Variants in IQCH observed in about 807,000 individuals in gnomAD.
IQCH encodes IQ motif containing H, also known as IQ domain-containing protein H.
Under a neutral mutation model 117.0 loss-of-function variants are expected in IQCH, and 98 were observed. The observed-to-expected ratio is 0.84, with a 90% CI of 0.71 to 0.99. The LOEUF (loss-of-function observed/expected upper bound fraction) is 0.99. Among genes scored for constraint, IQCH ranks in the 50% least tolerant of loss-of-function variants. The pLI is 0.00. For synonymous variants in IQCH, 412 were observed against 448.2 expected, an observed-to-expected ratio of 0.92 and a Z score of 1.02; for missense variants, 1,102 against 1,243.8, an observed-to-expected ratio of 0.89 and a Z score of 1.72.
rs185161720 is a variant in IQCH, at chr15:67,396,107, A to C, written c.1905+544A>C. Among the ~76,000 whole-genome samples the C allele has an allele frequency of 3.9e-5, 6 of 152,356 alleles. No homozygotes were observed. The East Asian group carries it at 1.2e-3, about 29-fold the overall frequency. On this transcript the variant is annotated intron_variant, in intron 13 of 20. Coordinates refer to ENST00000335894, the MANE Select transcript of IQCH (RefSeq NM_001031715.3). ...TATATATCATTTGGACTAATCTGCT[A>C]TCAATATTTAATGCTTTAACATGGA...
intron 8 of IQCH, 105 bp from the exon 9 acceptor site, chr15:67,372,006 C>A: frequency 2.0e-6 from 2 of 976,038 alleles, no homozygotes; most frequent in Non-Finnish European, 3.0e-6. Flanking sequence ...TTCATATCTT[C>A]CCACCATTGA....
At chr15:67,400,983 T>C (rs779932504) in intron 14 of IQCH, among the ~76,000 whole-genome samples, 4 of 152,174 alleles carry the variant, frequency 2.6e-5, no homozygotes, top group African/African-American at 7.2e-5. Flanking sequence ...TATTTTATTA[T>C]GAGATAGAAA....
At chr15:67,255,718 G>A (rs1281043660) in intron 1 of IQCH, among the ~76,000 whole-genome samples, 1 of 152,190 alleles carries the variant, frequency 6.6e-6, no homozygotes, top group African/African-American at 2.4e-5. Context: ...CACTCAGTTG[G>A]TCTGAAGTGG....
At chr15:67,353,007 G>A (rs181302172) in intron 6 of IQCH, among the ~76,000 whole-genome samples, 9 of 152,120 alleles carry the variant, frequency 5.9e-5, no homozygotes, top group South Asian at 2.1e-4. Flanking sequence ...TTAGCCAGGC[G>A]TGGTGGTGCG....
chr15:67,374,937 G>T (rs1167931765), intron 10 of IQCH, among the ~76,000 whole-genome samples: 2 of 152,052 alleles, frequency 1.3e-5, no homozygotes, highest in Non-Finnish European at 2.9e-5. Context: ...CTCTATACAG[G>T]GCCCCCCACT....
chr15:67,262,314 C>A (rs967849251), intron 2 of IQCH, among the ~76,000 whole-genome samples: 7 of 152,120 alleles, frequency 4.6e-5, no homozygotes, highest in African/African-American at 1.2e-4. Context: ...ATGAAACAAG[C>A]TAATGGGGTC....
At position 67,390,654 on chromosome 15, in the gene IQCH, A is replaced by G. The variant is rs1353898970; in HGVS notation, c.1632+1648A>G. On this transcript the variant is annotated intron_variant, in intron 12 of 20. Coordinates refer to ENST00000335894, the MANE Select transcript of IQCH (RefSeq NM_001031715.3). The surrounding 1 kb of genome is among the most constrained non-coding windows in gnomAD (Gnocchi z 5.0). Reference sequence around the variant, plus strand: ...CAGGTGTGTGCCACCACACCCAGCTAATTTTTGTATTTTTAGTAGAGACAG... The same window carrying G: ...CAGGTGTGTGCCACCACACCCAGCTGATTTTTGTATTTTTAGTAGAGACAG... Among the ~76,000 whole-genome samples the G allele has an allele frequency of 6.6e-6, 1 of 151,782 alleles. No homozygotes were observed. The highest frequency in any genetic ancestry group is 1.5e-5 in the Non-Finnish European group (1 of 67,972).
rs1412124303 is a variant in IQCH at position 67,459,647 on chromosome 15, C to T, written c.2506-5480C>T. ...GATCCTTGGACCAGAACAATCTGGG[C>T]AAGCTGACCTTTGCCTGACTCCTGC... On this transcript the variant is annotated intron_variant, in intron 16 of 20. Transcript: ENST00000335894. The surrounding 1 kb of genome is among the most constrained non-coding windows in gnomAD (Gnocchi z 4.2). 3.3e-5 allele frequency: 5 copies of T among 152,308 alleles called. No individual in the cohort carries two copies. The highest frequency in any genetic ancestry group is 1.3e-4 in the Admixed American group (2 of 15,278). The allele number at this position is 152,308 out of a possible 1,614,324, so 9.4% of individuals were successfully genotyped here. A position where few individuals can be genotyped will look rare whatever the true frequency, so the allele number is the denominator to read the frequency against.
At chr15:67,322,157 A>G (rs762332413) in intron 4 of IQCH, among the ~76,000 whole-genome samples, 5 of 152,142 alleles carry the variant, frequency 3.3e-5, no homozygotes, top group African/African-American at 7.2e-5. Context: ...AGACATTCAC[A>G]TTTATTATTG....
chr15:67,279,294 A>G (rs1199980757), intron 3 of IQCH, 101 bp from the exon 4 acceptor site: 10 of 661,388 alleles, frequency 1.5e-5, no homozygotes, highest in Non-Finnish European at 2.4e-5. Flanking sequence ...AATATTTCCT[A>G]TAAAATATAA....
At chr15:67,336,399 AAAC>A (rs1044579274) in intron 4 of IQCH, among the ~76,000 whole-genome samples, 2 of 152,194 alleles carry the variant, frequency 1.3e-5, no homozygotes, top group Non-Finnish European at 2.9e-5. Context: ...CATTTAATAG[AAAC>A]AATTCATATT....
chr15:67,443,405 A>G lies in IQCH; in HGVS notation c.2506-21722A>G, dbSNP rs1324407162. The stretch of plus-strand genomic sequence containing the variant: ...GATTCAAAGGCATAAGAATGATACA[A>G]TCGACTTTGGGGACTTGGGGGAAAG... On this transcript the variant is annotated intron_variant, in intron 16 of 20. Coordinates refer to ENST00000335894, the MANE Select transcript of IQCH (RefSeq NM_001031715.3). The surrounding 1 kb of genome is among the most constrained non-coding windows in gnomAD (Gnocchi z 5.0). Among the ~76,000 whole-genome samples the G allele has an allele frequency of 6.6e-6, 1 of 152,106 alleles. No individual in the cohort carries two copies. The highest frequency in any genetic ancestry group is 6.6e-5 in the Admixed American group (1 of 15,266).
At chr15:67,269,699 C>CT (rs56720637) in intron 3 of IQCH, among the ~76,000 whole-genome samples, 1 of 147,554 alleles carries the variant, frequency 6.8e-6, no homozygotes. Context: ...ATGAGATCCA[C>CT]TTTTTTTTTT....
Position 67,421,589 on chromosome 15 carries a change from G to A in IQCH, c.2505+12G>A, listed in dbSNP as rs370333628. Reference sequence around the variant, plus strand: ...CCTTGGAACAACAGGTAAGTTGAATGGATGCCATACGAAATGCTAAAATAT... The same window carrying A: ...CCTTGGAACAACAGGTAAGTTGAATAGATGCCATACGAAATGCTAAAATAT... On this transcript the variant is annotated intron_variant, in intron 16 of 20. Transcript: ENST00000335894. The A allele has an allele frequency of 1.1e-5, 18 of 1,613,386 alleles. No homozygotes were observed. Among genetic ancestry groups the A allele is most frequent in the Middle Eastern group, 1.6e-4 (1 of 6,082 alleles).
intron 16 of IQCH, among the ~76,000 whole-genome samples, chr15:67,452,245 G>A (rs1166237968): frequency 6.6e-6 from 1 of 152,104 alleles, no homozygotes; most frequent in Non-Finnish European, 1.5e-5. Context: ...ATATTGTTAG[G>A]TGTGAATTCA....
intron 4 of IQCH, among the ~76,000 whole-genome samples, chr15:67,288,390 G>C (rs1171655379): frequency 6.6e-6 from 1 of 151,980 alleles, no homozygotes; most frequent in Non-Finnish European, 1.5e-5. Context: ...TTTCTCTTTA[G>C]CTCTAATAAT....
Position 67,466,426 on chromosome 15 carries a change from A to G in IQCH, c.2676+1129A>G, listed in dbSNP as rs1395003824. 1 of 152,230 alleles carries G rather than the reference A, an allele frequency of 6.6e-6. No individual in the cohort carries two copies. Among genetic ancestry groups the G allele is most frequent in the Admixed American group, 6.5e-5 (1 of 15,276 alleles). The allele number at this position is 152,230 out of a possible 1,614,324, so 9.4% of individuals were successfully genotyped here. A position where few individuals can be genotyped will look rare whatever the true frequency, so the allele number is the denominator to read the frequency against. On this transcript the variant is annotated intron_variant, in intron 17 of 20. Coordinates refer to ENST00000335894, the MANE Select transcript of IQCH (RefSeq NM_001031715.3). This position sits in a 1 kb window ranked among gnomAD's most constrained non-coding sequence, Gnocchi z 4.4. ...AAATGAAGCTCTACTTGAAATCCAA[A>G]TATATCAAACAGATAAAAGAGGAAC...
rs139054429 is a variant in IQCH, at chr15:67,372,307, T to G, written c.950T>G (p.Val317Gly). ...CTCAGGAACTATGCTATACCAGAAG[T>G]CAAAATAAAAGGGAATAATTTGGTG... is the stretch of plus-strand genomic sequence containing the variant. ...KFLRNYAIPEVKIKGNNLVAL... is the reference protein window; with the variant it reads ...KFLRNYAIPEGKIKGNNLVAL... The change falls in exon 9 of 21, where the codon GTC becomes GGC. Residue 317 changes from valine (V) to glycine (G), a missense_variant. Val to Gly is a moderately radical substitution (Grantham distance 109). Around this residue, in one of 2 missense-constraint regions of IQCH, gnomAD observed 452 missense variants for 449.6 expected, o/e 1.01. Transcript: ENST00000335894. 4 of 1,613,968 alleles carry G rather than the reference T, an allele frequency of 2.5e-6. No homozygotes were observed. Among genetic ancestry groups the G allele is most frequent in the African/African-American group, 1.3e-5 (1 of 74,912 alleles).
intron 14 of IQCH, among the ~76,000 whole-genome samples, chr15:67,412,910 T>A (rs1243434564): frequency 6.6e-6 from 1 of 152,162 alleles, no homozygotes. Context: ...GTGCCTCAGC[T>A]CCCATTTTAA....
Sources: gnomAD v4.1 joint callset for allele counts (sites outside exome capture counted in the v4.1 genomes callset) on GRCh38, gnomAD v4.1.1 for gene constraint, gnomAD v4.1.1 regional missense constraint, Gnocchi (gnomAD v3.1) non-coding constraint, MANE v1.5 for transcripts, NCBI Gene and HGNC (gene_info 2026-07-23, HGNC 2026-07-21) for gene names.